The following WDFY3 variants were observed in gnomAD, a reference collection of about 807,000 sequenced individuals.
WDFY3 encodes WD repeat and FYVE domain-containing protein 3.
WDFY3 carries 66 observed loss-of-function variants against 409.6 expected under a neutral mutation model. The observed-to-expected ratio is 0.16, with a 90% confidence interval of 0.13 to 0.20. The LOEUF is 0.20. Among genes scored for constraint, WDFY3 ranks in the 10% least tolerant of loss-of-function variants. The probability of loss-of-function intolerance (pLI) is 1.00; values close to 1 mark genes in which losing one functional copy is unlikely to be tolerated. For synonymous variants in WDFY3, 1,521 were observed against 1,537.1 expected, an observed-to-expected ratio of 0.99 and a Z score of 0.25; for missense variants, 3,031 against 4,298.1, an observed-to-expected ratio of 0.71 and a Z score of 8.24.
intron 10 of WDFY3, among the ~76,000 whole-genome samples, chr4:84,823,307 CTTAAT>C (rs1754363344): frequency 6.6e-6 from 1 of 151,818 alleles, no homozygotes; most frequent in Non-Finnish European, 1.5e-5. Flanking sequence ...TACCATAGAC[CTTAAT>C]TTAAAAGTTA....
Position 84,725,543 on chromosome 4 carries a change from T to C in WDFY3, c.7273-949A>G, listed in dbSNP as rs1661923599. On this transcript the variant is annotated intron_variant, in intron 45 of 67. Coordinates refer to ENST00000295888, the MANE Select transcript of WDFY3 (RefSeq NM_014991.6). ...AATATCAGACAGAGGGAAAAGTTTG[T>C]ATGTATATAGGTTCCTCGGATCGGA... Among the ~76,000 whole-genome samples the C allele has an allele frequency of 2.6e-5, 4 of 152,290 alleles. No individual in the cohort carries two copies. In the South Asian group the frequency reaches 8.3e-4, roughly 32 times the overall value.
In WDFY3 at chr4:84,850,408, T is replaced by A. The variant is rs141768750; in HGVS notation, c.181-383A>T. On this transcript the variant is annotated intron_variant, in intron 4 of 67. Transcript: ENST00000295888. Reference sequence around the variant, plus strand: ...ATTTTGGCTCACTGCAACCTCTGCCTTAGGTTCAAGCTATTCTCCTGCCTC... The same window carrying A: ...ATTTTGGCTCACTGCAACCTCTGCCATAGGTTCAAGCTATTCTCCTGCCTC... 6.1e-3 allele frequency among the ~76,000 whole-genome samples: 935 copies of A among 152,182 alleles called. 9 individuals carry two copies. Among genetic ancestry groups the A allele is most frequent in the Middle Eastern group, 0.061 (18 of 294 alleles).
rs774989094 is a variant in WDFY3 at position 84,737,318 on chromosome 4, A to G, written c.6623T>C (p.Ile2208Thr). Residue 2208 changes from isoleucine (I) to threonine (T), a missense_variant, in exon 41 of 68, where the codon ATA becomes ACA. Ile to Thr is a moderately conservative substitution (Grantham distance 89). Around this residue, in one of 16 missense-constraint regions of WDFY3, gnomAD observed 314 missense variants for 397.4 expected, o/e 0.79. Transcript: ENST00000295888. ...CTCTAAGACTTGTTTCTTACTATGT[A>G]TCAGTTCAGTCCAAACTCTGTTGAC... is the stretch of plus-strand genomic sequence containing the variant. ...KAVNRVWTEL[I>T]HSKKQVLEEL... is the part of the protein sequence containing the mutation. The G allele has an allele frequency of 1.9e-6, 3 of 1,612,924 alleles. No homozygotes were observed. The highest frequency in any genetic ancestry group is 3.3e-5 in the Admixed American group (2 of 59,840).
At chr4:84,809,754 G>T in intron 14 of WDFY3, 133 bp downstream of exon 14, 8 of 775,900 alleles carry the variant, frequency 1.0e-5, no homozygotes, top group Non-Finnish European at 1.6e-5. Context: ...AAAATAAAGT[G>T]ATACACTTCA....
intron 13 of WDFY3, among the ~76,000 whole-genome samples, chr4:84,814,258 C>T (rs1712629107): frequency 6.6e-6 from 1 of 152,144 alleles, no homozygotes; most frequent in South Asian, 2.1e-4. Flanking sequence ...GAAATGCACA[C>T]AACAAACTAC....
At position 84,786,145 on chromosome 4, in the gene WDFY3, AAAG is replaced by A; in HGVS notation, c.3902-9_3902-7del. Reference sequence around the variant, plus strand: ...TTCGGATTTTGCATCTTTACCTTCAAAAGAAGAATAATTCTTTTCAAAATCATC... The same window carrying A: ...TTCGGATTTTGCATCTTTACCTTCAAAAGAATAATTCTTTTCAAAATCATC... On this transcript the variant is annotated splice_region_variant and splice_polypyrimidine_tract_variant and intron_variant, in intron 23 of 67. Coordinates refer to ENST00000295888, the MANE Select transcript of WDFY3 (RefSeq NM_014991.6). 18 of 1,591,480 alleles carry A rather than the reference AAAG, an allele frequency of 1.1e-5. No homozygotes were observed. The highest frequency in any genetic ancestry group is 1.5e-5 in the Non-Finnish European group (18 of 1,171,430).
intron 21 of WDFY3, among the ~76,000 whole-genome samples, chr4:84,790,395 T>C (rs1578529981): frequency 6.6e-6 from 1 of 151,986 alleles, no homozygotes; most frequent in Admixed American, 6.6e-5. Context: ...AGACAGAAGA[T>C]ACCTTATTCA....
chr4:84,821,659 C>T lies in WDFY3; in HGVS notation c.1124-108G>A, dbSNP rs1186138012. ...AATTATAACATTTATCAATTATTTA[C>T]TAAGAACATAACCCTGTTTTCACAA... On this transcript the variant is annotated intron_variant, in intron 10 of 67. Transcript: ENST00000295888. 6.3e-6 allele frequency: 6 copies of T among 947,230 alleles called. No homozygotes were observed. In the East Asian group the frequency reaches 1.5e-4, roughly 24 times the overall value. 58.7% of individuals were successfully genotyped at this position (947,230 alleles called of 1,614,324 possible).
At position 84,797,207 on chromosome 4, in the gene WDFY3, T is replaced by C. The variant is rs913401890; in HGVS notation, c.2936-455A>G. The stretch of plus-strand genomic sequence containing the variant: ...CAAATTAGAGATAAATGGCAGAAAC[T>C]TGCTTCTCCCATTTTTTCCCCATTA... On this transcript the variant is annotated intron_variant, in intron 18 of 67. Coordinates refer to ENST00000295888, the MANE Select transcript of WDFY3 (RefSeq NM_014991.6). 2.5e-4 allele frequency among the ~76,000 whole-genome samples: 38 copies of C among 152,256 alleles called. 2 individuals carry two copies. Among genetic ancestry groups the C allele is most frequent in the African/African-American group, 7.0e-4 (29 of 41,576 alleles).
At chr4:84,800,627 T>C (rs1233865218) in intron 17 of WDFY3, among the ~76,000 whole-genome samples, 1 of 152,216 alleles carries the variant, frequency 6.6e-6, no homozygotes, top group South Asian at 2.1e-4. Context: ...TGTAACATTC[T>C]CAAAATCAGT....
At chr4:84,892,634 C>T (rs1162572244) in intron 3 of WDFY3, among the ~76,000 whole-genome samples, 1 of 152,140 alleles carries the variant, frequency 6.6e-6, no homozygotes, top group Non-Finnish European at 1.5e-5. Context: ...TCTGTGTTGC[C>T]TATTGTTTGC....
chr4:84,781,597 C>T (rs1746534691), intron 25 of WDFY3, among the ~76,000 whole-genome samples: 1 of 151,932 alleles, frequency 6.6e-6, no homozygotes, highest in African/African-American at 2.4e-5. Context: ...AAACTAGCTC[C>T]TAAGGTAATT....
intron 49 of WDFY3, 57 bp downstream of exon 49, chr4:84,716,839 A>T (rs13117289): frequency 3.0e-6 from 4 of 1,348,894 alleles, no homozygotes; most frequent in Non-Finnish European, 3.9e-6. Context: ...ATAAAATAAA[A>T]CAATACATTT....
In WDFY3 at chr4:84,690,406, C is replaced by A. The variant is rs111449488; in HGVS notation, c.9363+100G>T. 1.1e-3 allele frequency: 1,675 copies of A among 1,545,084 alleles called. 8 individuals carry two copies. In the African/African-American group the frequency reaches 0.014, roughly 13 times the overall value. On this transcript the variant is annotated intron_variant, in intron 61 of 67. Coordinates refer to ENST00000295888, the MANE Select transcript of WDFY3 (RefSeq NM_014991.6). ...GTCACTTTGGTTTTGTCCATTAGAT[C>A]TGAAGTACCTCAGAATTAAGGAAGC...
At chr4:84,931,247 A>C (rs941177453) in intron 2 of WDFY3, among the ~76,000 whole-genome samples, 3 of 152,184 alleles carry the variant, frequency 2.0e-5, no homozygotes, top group Non-Finnish European at 4.4e-5. Flanking sequence ...AATAAGTGAG[A>C]CCTTTTTCAG....
At chr4:84,844,597 C>T (rs1757832393) in intron 5 of WDFY3, 1 of 1,108,846 alleles carries the variant, frequency 9.0e-7, no homozygotes, top group African/African-American at 1.6e-5. Context: ...TCAACATCAT[C>T]CAGTCTCTCC....
In WDFY3 at chr4:84,760,768, A is replaced by G. The variant is rs1318202752; in HGVS notation, c.5189-3607T>C. ...TTTCAAAAAACCAGCTCCTGGATTC[A>G]TTAATTTTTTGAAGGGTTTTTTGTG... On this transcript the variant is annotated intron_variant, in intron 32 of 67. Coordinates refer to ENST00000295888, the MANE Select transcript of WDFY3 (RefSeq NM_014991.6). Among the ~76,000 whole-genome samples, 7 of 145,478 alleles carry G rather than the reference A, an allele frequency of 4.8e-5. No individual in the cohort carries two copies. The East Asian group carries it at 1.0e-3, about 21-fold the overall frequency.
chr4:84,927,334 C>A (rs1216104061), intron 2 of WDFY3, among the ~76,000 whole-genome samples: 1 of 143,070 alleles, frequency 7.0e-6, no homozygotes, highest in East Asian at 2.1e-4. Context: ...CACACACAGA[C>A]ACACACACAC....
chr4:84,903,425 T>A (rs1579059796), intron 2 of WDFY3, among the ~76,000 whole-genome samples: 1 of 152,134 alleles, frequency 6.6e-6, no homozygotes, highest in Non-Finnish European at 1.5e-5. Flanking sequence ...GTTCAAGCAG[T>A]CCTTCCACTT....
Sources: gnomAD v4.1 joint callset for allele counts (sites outside exome capture counted in the v4.1 genomes callset) on GRCh38, gnomAD v4.1.1 for gene constraint, gnomAD v4.1.1 regional missense constraint, MANE v1.5 for transcripts, NCBI Gene and HGNC (gene_info 2026-07-23, HGNC 2026-07-21) for gene names.